Variants in WWC2 observed in about 807,000 individuals in gnomAD.
WWC2 encodes the protein protein WWC2.
A neutral mutation model predicts 138.5 loss-of-function variants in WWC2; 101 were observed. The observed-to-expected ratio is 0.73, with a 90% CI of 0.62 to 0.86. The LOEUF (loss-of-function observed/expected upper bound fraction) is 0.86. Ranked by LOEUF, WWC2 falls within the 40% of genes least tolerant of loss-of-function variation. The pLI is 0.00. For missense variants in WWC2, 1,420 were observed against 1,419.4 expected (o/e 1.00, Z -0.01); for synonymous variants, 558 against 538.4 (o/e 1.04, Z -0.50).
intron 1 of WWC2, among the ~76,000 whole-genome samples, chr4:183,152,235 C>T (rs1375773010): frequency 2.0e-5 from 3 of 152,138 alleles, no homozygotes; most frequent in Non-Finnish European, 2.9e-5. Context: ...CATGGTGGTT[C>T]ATGCCTGTAA....
At chr4:183,100,416 A>G (rs1561413650) in intron 1 of WWC2, among the ~76,000 whole-genome samples, 1 of 151,928 alleles carries the variant, frequency 6.6e-6, no homozygotes, top group Non-Finnish European at 1.5e-5. Context: ...TGTGTCCCAT[A>G]TTTTTTTTAC....
In WWC2 at chr4:183,169,500, C is replaced by T. The variant is rs529118137; in HGVS notation, c.132-24099C>T. On this transcript the variant is annotated intron_variant, in intron 1 of 22. Transcript: ENST00000403733. ...ATGTTGCCAAACTATTCTTGAACTC[C>T]TGGCCTCAAGTGATTCTCCTGCCAC... 1.1e-4 allele frequency among the ~76,000 whole-genome samples: 16 copies of T among 152,126 alleles called. No homozygotes were observed. The South Asian group carries it at 2.9e-3, about 28-fold the overall frequency.
intron 16 of WWC2, among the ~76,000 whole-genome samples, chr4:183,271,665 G>A (rs1047119452): frequency 2.0e-5 from 3 of 152,164 alleles, no homozygotes; most frequent in South Asian, 4.1e-4. Flanking sequence ...CAGTGTGTTA[G>A]CTTTTCATTT....
chr4:183,269,210 T>C, intron 15 of WWC2, 47 bp downstream of exon 15: 1 of 1,558,804 alleles, frequency 6.4e-7, no homozygotes. Context: ...TTAGATTGGG[T>C]GGTCTGAGGA....
chr4:183,142,955 A>G (rs1733346177), intron 1 of WWC2, among the ~76,000 whole-genome samples: 1 of 152,210 alleles, frequency 6.6e-6, no homozygotes, highest in Admixed American at 6.5e-5. Flanking sequence ...GAAGTGAAGC[A>G]TGAGAAAATC....
At position 183,285,824 on chromosome 4, in the gene WWC2, A is replaced by G. The variant is rs566303038; in HGVS notation, c.3049-143A>G. 86 of 687,986 alleles carry G rather than the reference A, an allele frequency of 1.3e-4. No individual in the cohort carries two copies. The East Asian group carries it at 2.3e-3, about 19-fold the overall frequency. 42.6% of individuals were successfully genotyped at this position (687,986 alleles called of 1,614,324 possible). On this transcript the variant is annotated intron_variant, in intron 19 of 22. Coordinates refer to ENST00000403733, the MANE Select transcript of WWC2 (RefSeq NM_024949.6). ...GTTATTTAACAAAATAGAACAGGAAAAACTTGTTTGAGGGGATTTTCTTAA... is the reference window on the plus strand; with the variant it reads ...GTTATTTAACAAAATAGAACAGGAAGAACTTGTTTGAGGGGATTTTCTTAA...
At chr4:183,117,468 G>T (rs377223150) in intron 1 of WWC2, among the ~76,000 whole-genome samples, 2 of 152,076 alleles carry the variant, frequency 1.3e-5, no homozygotes, top group African/African-American at 4.8e-5. Context: ...TGATCTGCCC[G>T]CCTCAGCCTC....
chr4:183,272,159 G>T (rs989561943), intron 16 of WWC2, among the ~76,000 whole-genome samples: 1 of 152,286 alleles, frequency 6.6e-6, no homozygotes, highest in East Asian at 1.9e-4. Context: ...TATGAGGAAG[G>T]CATTTCCTAA....
intron 1 of WWC2, among the ~76,000 whole-genome samples, chr4:183,186,400 G>T (rs1734801560): frequency 6.6e-6 from 1 of 152,190 alleles, no homozygotes; most frequent in Admixed American, 6.5e-5. Flanking sequence ...TTAAGTGTTA[G>T]ATGGCAGAAG....
chr4:183,168,041 A>G (rs1372926663), intron 1 of WWC2, among the ~76,000 whole-genome samples: 1 of 151,918 alleles, frequency 6.6e-6, no homozygotes, highest in East Asian at 1.9e-4. Context: ...TATTTTTAGT[A>G]GAGACAGGGT....
chr4:183,299,708 TG>T (rs113805759), intron 21 of WWC2, among the ~76,000 whole-genome samples: 75 of 152,280 alleles, frequency 4.9e-4, no homozygotes, highest in African/African-American at 1.7e-3. Flanking sequence ...CCTGCACACA[TG>T]GCACACACAC....
rs369775617 is a variant in WWC2 at position 183,253,941 on chromosome 4, C to T, written c.1138C>T (p.Arg380Trp). 19 of 1,613,626 alleles carry T rather than the reference C, an allele frequency of 1.2e-5. No individual in the cohort carries two copies. Among genetic ancestry groups the T allele is most frequent in the African/African-American group, 4.0e-5 (3 of 74,872 alleles). ...ELERLEAERQRLEEELLSVRG... is the reference protein window; with the variant it reads ...ELERLEAERQWLEEELLSVRG... ...AGAACGCCTAGAAGCTGAAAGGCAG[C>T]GGCTGGAAGAAGAGTTGCTGTCTGT... is the stretch of plus-strand genomic sequence containing the variant. Residue 380 changes from arginine to tryptophan, a missense_variant, in exon 9 of 23, where the codon CGG (arginine) becomes TGG (tryptophan). Arg to Trp is a moderately radical substitution (Grantham distance 101). Coordinates refer to ENST00000403733, the MANE Select transcript of WWC2 (RefSeq NM_024949.6).
chr4:183,304,878 C>CA (rs1377500747), intron 21 of WWC2, among the ~76,000 whole-genome samples: 5 of 151,982 alleles, frequency 3.3e-5, no homozygotes, highest in African/African-American at 1.2e-4. Flanking sequence ...TACTAACAGG[C>CA]AAAAAACAGA....
In WWC2 at chr4:183,134,339, T is replaced by A. The variant is rs577096822; in HGVS notation, c.131+34717T>A. 2.2e-4 allele frequency among the ~76,000 whole-genome samples: 33 copies of A among 151,894 alleles called. 2 individuals carry two copies. The South Asian group carries it at 6.7e-3, about 31-fold the overall frequency. Reference sequence around the variant, plus strand: ...TTTTACTATTTTTTTTTTTTGAACCTCTTAAAAGGGATGCTTAGCATAGTA... The same window carrying A: ...TTTTACTATTTTTTTTTTTTGAACCACTTAAAAGGGATGCTTAGCATAGTA... On this transcript the variant is annotated intron_variant, in intron 1 of 22. Coordinates refer to ENST00000403733, the MANE Select transcript of WWC2 (RefSeq NM_024949.6).
intron 8 of WWC2, among the ~76,000 whole-genome samples, chr4:183,251,611 C>G (rs1560867424): frequency 6.6e-6 from 1 of 152,176 alleles, no homozygotes; most frequent in South Asian, 2.1e-4. Flanking sequence ...TCTGATGACA[C>G]AAATAATAAA....
chr4:183,310,928 A>G (rs1296149404), intron 21 of WWC2, among the ~76,000 whole-genome samples: 1 of 151,806 alleles, frequency 6.6e-6, no homozygotes, highest in Non-Finnish European at 1.5e-5. Context: ...TTACATATAT[A>G]TGTACTCATT....
chr4:183,232,485 G>A (rs1330155403), intron 4 of WWC2, among the ~76,000 whole-genome samples: 1 of 152,002 alleles, frequency 6.6e-6, no homozygotes, highest in African/African-American at 2.4e-5. Flanking sequence ...CTTTCCCGAT[G>A]TGCCTGTTAC....
At chr4:183,119,299 A>G (rs1308036474) in intron 1 of WWC2, among the ~76,000 whole-genome samples, 2 of 152,226 alleles carry the variant, frequency 1.3e-5, no homozygotes, top group African/African-American at 4.8e-5. Context: ...AGTTAAAGGC[A>G]TGGAGTCTGG....
chr4:183,137,645 C>T (rs980252152), intron 1 of WWC2, among the ~76,000 whole-genome samples: 8 of 152,054 alleles, frequency 5.3e-5, no homozygotes, highest in African/African-American at 1.7e-4. Context: ...ACTGTAGATG[C>T]GCACCACCAT....
Sources: gnomAD v4.1 joint callset for allele counts (sites outside exome capture counted in the v4.1 genomes callset) on GRCh38, gnomAD v4.1.1 for gene constraint, MANE v1.5 for transcripts, NCBI Gene and HGNC (gene_info 2026-07-23, HGNC 2026-07-21) for gene names.